Variants in TNR observed in about 807,000 individuals in gnomAD.
TNR encodes the protein tenascin-R.
In TNR, 45 loss-of-function variants were observed where a neutral mutation model predicts 150.4. The observed-to-expected ratio is 0.30, with a 90% CI of 0.24 to 0.38. The LOEUF (loss-of-function observed/expected upper bound fraction) is 0.38. Ranked by LOEUF, TNR falls within the 10% of genes least tolerant of loss-of-function variation. TNR has a pLI of 1.00. For synonymous variants in TNR, 687 were observed against 678.4 expected (o/e 1.01, Z -0.20); for missense variants, 1,544 against 1,759.1 (o/e 0.88, Z 2.19).
At chr1:175,736,587 G>A (rs987203510) in intron 1 of TNR, among the ~76,000 whole-genome samples, 6 of 151,788 alleles carry the variant, frequency 4.0e-5, no homozygotes, top group African/African-American at 1.5e-4. Context: ...GGAAAGAGGG[G>A]ATGTGTAGGA....
Position 175,365,226 on chromosome 1 carries a change from T to C in TNR, c.2371A>G (p.Asn791Asp), listed in dbSNP as rs1043341227. 4 of 1,613,886 alleles carry C rather than the reference T, an allele frequency of 2.5e-6. No homozygotes were observed. The Admixed American group carries it at 5.0e-5, about 20-fold the overall frequency. Reference sequence around the variant, plus strand: ...GGAGATGGATCACTCCAAGTGATGTTCACACTGGAGGAGGTCACATGAGAA... The same window carrying C: ...GGAGATGGATCACTCCAAGTGATGTCCACACTGGAGGAGGTCACATGAGAA... ...HFSHVTSSSV[N>D]ITWSDPSPPA... The change falls in exon 12 of 23, where the codon AAC (asparagine) becomes GAC (aspartate). Residue 791 changes from asparagine (N) to aspartate (D), a missense_variant. This residue lies in a region of TNR where 1,254 missense variants were observed against 1,329.4 expected (regional missense o/e 0.94). Coordinates refer to ENST00000367674, the MANE Select transcript of TNR (RefSeq NM_003285.3).
intron 1 of TNR, among the ~76,000 whole-genome samples, chr1:175,529,477 C>T (rs1234817014): frequency 3.3e-5 from 5 of 152,150 alleles, no homozygotes; most frequent in Non-Finnish European, 5.9e-5. Flanking sequence ...GGCTGCCTGG[C>T]GAGTGGGGAC....
intron 2 of TNR, among the ~76,000 whole-genome samples, chr1:175,471,339 G>A (rs142251839): frequency 6.6e-6 from 1 of 152,284 alleles, no homozygotes; most frequent in African/African-American, 2.4e-5. Flanking sequence ...TAACCTGGAG[G>A]ATTAGTGCTA....
Position 175,406,573 on chromosome 1 carries a change from C to G in TNR, c.142G>C (p.Glu48Gln). ...ERVQRQSVEE[E>Q]GGIANYNTSS... ...GTGTTGTAGTTGGCAATGCCTCCCT[C>G]CTCCTCCACTGACTGTCTCTGGACC... The change falls in exon 3 of 23, where the codon GAG becomes CAG. Residue 48 changes from glutamate (E) to glutamine (Q), a missense_variant. Around this residue, in one of 2 missense-constraint regions of TNR, gnomAD observed 1,254 missense variants for 1,329.4 expected, o/e 0.94. Coordinates refer to ENST00000367674, the MANE Select transcript of TNR (RefSeq NM_003285.3). 1 of 1,614,214 alleles carries G rather than the reference C, an allele frequency of 6.2e-7. No individual in the cohort carries two copies. Among genetic ancestry groups the G allele is most frequent in the Non-Finnish European group, 8.5e-7 (1 of 1,180,026 alleles).
intron 8 of TNR, among the ~76,000 whole-genome samples, chr1:175,382,944 T>C (rs1374621699): frequency 6.6e-6 from 1 of 151,788 alleles, no homozygotes; most frequent in Non-Finnish European, 1.5e-5. Context: ...AGACTCAAGG[T>C]ACAGGTGTCA....
At chr1:175,403,055 A>G (rs1291121864) in intron 4 of TNR, 85 bp downstream of exon 4, 7 of 1,183,572 alleles carry the variant, frequency 5.9e-6, no homozygotes, top group Admixed American at 4.1e-5. Context: ...TTTCTCACTC[A>G]TCTTTCTTCC....
At chr1:175,500,826 C>T (rs560074803) in intron 2 of TNR, among the ~76,000 whole-genome samples, 185 of 152,326 alleles carry the variant, frequency 1.2e-3, no homozygotes, top group Non-Finnish European at 1.9e-3. Flanking sequence ...GGCTGGCTTT[C>T]CCCTTTTAGC....
intron 1 of TNR, among the ~76,000 whole-genome samples, chr1:175,728,206 G>T (rs1667532850): frequency 6.6e-6 from 1 of 152,198 alleles, no homozygotes; most frequent in Non-Finnish European, 1.5e-5. Flanking sequence ...TGAGGCCAGG[G>T]TGAGGCTATG....
intron 1 of TNR, among the ~76,000 whole-genome samples, chr1:175,737,668 T>A (rs1667808880): frequency 6.6e-6 from 1 of 152,184 alleles, no homozygotes; most frequent in Non-Finnish European, 1.5e-5. Flanking sequence ...CACATCCAGA[T>A]TTAAATAACC....
intron 3 of TNR, 38 bp downstream of exon 3, chr1:175,406,178 C>A: frequency 1.3e-6 from 2 of 1,594,160 alleles, no homozygotes; most frequent in Non-Finnish European, 1.7e-6. Context: ...CCCTCTCCTT[C>A]CCCTCCTGAG....
rs779518088 is a variant in TNR, at chr1:175,379,718, G to A, written c.1797C>T (p.Asn599=). Reference sequence around the variant, plus strand: ...TTGCTGTGCGAGAACCAACTCGCAAGTTCTTGGGGGCATCGATCTCTAAAA... The same window carrying A: ...TTGCTGTGCGAGAACCAACTCGCAAATTCTTGGGGGCATCGATCTCTAAAA... ...QFTTEIDAPK[N]LRVGSRTATS... is the part of the protein sequence containing the mutation. The change falls in exon 9 of 23, where the codon AAC becomes AAT. Residue 599 remains asparagine, a synonymous_variant. Transcript: ENST00000367674. 1 of 1,614,180 alleles carries A rather than the reference G, an allele frequency of 6.2e-7. No individual in the cohort carries two copies. The highest frequency in any genetic ancestry group is 1.7e-5 in the Admixed American group (1 of 60,020).
intron 2 of TNR, among the ~76,000 whole-genome samples, chr1:175,453,817 C>T (rs1656434106): frequency 6.6e-6 from 1 of 152,210 alleles, no homozygotes; most frequent in East Asian, 1.9e-4. Context: ...AAGTGAGCCT[C>T]CTGCCTTGGC....
chr1:175,433,157 A>G (rs1571432351), intron 2 of TNR, among the ~76,000 whole-genome samples: 1 of 152,174 alleles, frequency 6.6e-6, no homozygotes, highest in African/African-American at 2.4e-5. Flanking sequence ...TGTTGACACT[A>G]TGTGTCCACA....
At chr1:175,358,835 A>G (rs1651449780) in intron 15 of TNR, among the ~76,000 whole-genome samples, 1 of 152,214 alleles carries the variant, frequency 6.6e-6, no homozygotes, top group Admixed American at 6.5e-5. Flanking sequence ...ATGAATAGAG[A>G]AGACAAAAAC....
intron 2 of TNR, among the ~76,000 whole-genome samples, chr1:175,523,015 T>C (rs529427496): frequency 6.6e-6 from 1 of 152,236 alleles, no homozygotes; most frequent in African/African-American, 2.4e-5. Context: ...ACATTGACCT[T>C]CGGGACTCTG....
chr1:175,691,469 T>C (rs1397620500), intron 1 of TNR, among the ~76,000 whole-genome samples: 1 of 152,176 alleles, frequency 6.6e-6, no homozygotes, highest in Non-Finnish European at 1.5e-5. Context: ...AAATTCTAGA[T>C]GAGACAACTG....
chr1:175,649,550 C>T (rs561453923), intron 1 of TNR, among the ~76,000 whole-genome samples: 3 of 151,738 alleles, frequency 2.0e-5, no homozygotes, highest in Non-Finnish European at 2.9e-5. Flanking sequence ...GCACAGAGCC[C>T]GGCACAGAGC....
rs55795922 is a variant in TNR at position 175,370,338 on chromosome 1, C to CTTTTTTTTTTTTTTTTTTTTTT, written c.1964-3063_1964-3042dup. On this transcript the variant is annotated intron_variant, in intron 9 of 22. Transcript: ENST00000367674. Reference sequence around the variant, plus strand: ...GAGAACTATTCCTGGATTTTGAGTACTTTTTTTTTTTTTTTTTTTTTTTTT... The same window carrying CTTTTTTTTTTTTTTTTTTTTTT: ...GAGAACTATTCCTGGATTTTGAGTACTTTTTTTTTTTTTTTTTTTTTTTTTTTTTTTTTTTTTTTTTTTTTTT... Among the ~76,000 whole-genome samples the CTTTTTTTTTTTTTTTTTTTTTT allele has an allele frequency of 1.0e-3, 45 of 42,974 alleles. 3 individuals carry two copies. Among genetic ancestry groups the CTTTTTTTTTTTTTTTTTTTTTT allele is most frequent in the African/African-American group, 3.3e-3 (39 of 11,804 alleles). 28.2% of individuals were successfully genotyped at this position (42,974 alleles called of 152,430 possible).
chr1:175,644,279 G>C (rs941183335), intron 1 of TNR, among the ~76,000 whole-genome samples: 1 of 152,164 alleles, frequency 6.6e-6, no homozygotes, highest in East Asian at 1.9e-4. Flanking sequence ...TGAGGTAGCT[G>C]GTCTCAGTTT....
Sources: allele counts gnomAD v4.1 joint callset (sites outside exome capture counted in the v4.1 genomes callset), GRCh38; gene constraint gnomAD v4.1.1; regional missense constraint gnomAD v4.1.1; transcripts MANE v1.5; gene names NCBI Gene and HGNC (gene_info 2026-07-23, HGNC 2026-07-21).